Variants in PRKG1 observed in about 807,000 individuals in gnomAD.
The protein encoded by PRKG1 is cGMP-dependent protein kinase 1.
A neutral mutation model predicts 88.1 loss-of-function variants in PRKG1; 35 were observed. That is an observed-to-expected ratio of 0.40 (90% confidence interval 0.30 to 0.53). The LOEUF (loss-of-function observed/expected upper bound fraction) is 0.53, where lower values mean the gene tolerates loss of function less well. Among genes scored for constraint, PRKG1 ranks in the 20% least tolerant of loss-of-function variants. The probability of loss-of-function intolerance (pLI) is 0.59; values close to 1 mark genes in which losing one functional copy is unlikely to be tolerated. For synonymous variants in PRKG1, 303 were observed against 292.5 expected (o/e 1.04, Z -0.37); for missense variants, 540 against 839.8 (o/e 0.64, Z 4.41).
intron 9 of PRKG1, among the ~76,000 whole-genome samples, chr10:52,248,260 C>T (rs534256142): frequency 6.6e-5 from 10 of 152,174 alleles, no homozygotes; most frequent in Non-Finnish European, 1.3e-4. Flanking sequence ...GGCCAGTCTT[C>T]GGGCCAGTTT....
intron 2 of PRKG1, among the ~76,000 whole-genome samples, chr10:51,399,895 G>A (rs1837688470): frequency 6.6e-6 from 1 of 152,170 alleles, no homozygotes; most frequent in Non-Finnish European, 1.5e-5. Flanking sequence ...GGGTGCCGGG[G>A]GCAGAGGTCT....
chr10:52,135,630 A>G (rs1837390861), intron 8 of PRKG1, among the ~76,000 whole-genome samples: 1 of 152,108 alleles, frequency 6.6e-6, no homozygotes, highest in Non-Finnish European at 1.5e-5. Flanking sequence ...GGGAGAAATT[A>G]GGGATGTAGT....
At chr10:51,456,265 G>T (rs1030421048) in intron 2 of PRKG1, among the ~76,000 whole-genome samples, 3 of 152,106 alleles carry the variant, frequency 2.0e-5, no homozygotes, top group East Asian at 3.9e-4. Context: ...CTCCCACTAG[G>T]TCTCTCCCAA....
intron 3 of PRKG1, among the ~76,000 whole-genome samples, chr10:51,567,313 C>G (rs7913183): frequency 0.069 from 10,509 of 152,092 alleles, 1,184 homozygotes; most frequent in African/African-American, 0.24. Flanking sequence ...AGAAAGCCTC[C>G]AAGGATCACT....
At chr10:51,785,959 T>C (rs1019095520) in intron 3 of PRKG1, among the ~76,000 whole-genome samples, 1 of 152,170 alleles carries the variant, frequency 6.6e-6, no homozygotes, top group Non-Finnish European at 1.5e-5. Flanking sequence ...ATAGGAGTTA[T>C]AGAACCTGAG....
At chr10:51,618,724 A>C (rs546002137) in intron 3 of PRKG1, among the ~76,000 whole-genome samples, 1 of 152,186 alleles carries the variant, frequency 6.6e-6, no homozygotes, top group African/African-American at 2.4e-5. Context: ...TGTCTGCTTT[A>C]CATTTCAAAT....
intron 2 of PRKG1, among the ~76,000 whole-genome samples, chr10:51,311,587 C>T (rs76067142): frequency 0.018 from 2,742 of 152,276 alleles, 77 homozygotes; most frequent in African/African-American, 0.061. Context: ...AATTTGAGGA[C>T]CGGTACCTTA....
intron 3 of PRKG1, among the ~76,000 whole-genome samples, chr10:51,706,216 T>A (rs1841600136): frequency 6.6e-6 from 1 of 152,204 alleles, no homozygotes; most frequent in South Asian, 2.1e-4. Flanking sequence ...GGTATATAAC[T>A]TTTTTTCCCA....
At chr10:51,104,076 G>A (rs1364620302) in intron 1 of PRKG1, among the ~76,000 whole-genome samples, 1 of 152,182 alleles carries the variant, frequency 6.6e-6, no homozygotes, top group Non-Finnish European at 1.5e-5. Context: ...TTGTTTGTGT[G>A]TATATGAATG....
chr10:51,704,821 T>C (rs998289557), intron 3 of PRKG1, among the ~76,000 whole-genome samples: 8 of 152,358 alleles, frequency 5.3e-5, no homozygotes, highest in African/African-American at 1.7e-4. Context: ...GTGAACTTGA[T>C]GTGAGAGTCA....
In PRKG1 at chr10:51,250,990, T is replaced by A. The variant is rs142313798; in HGVS notation, c.478+97660T>A. Among the ~76,000 whole-genome samples, 555 of 151,848 alleles carry A rather than the reference T, an allele frequency of 3.7e-3. 5 individuals are homozygous for A. The highest frequency in any genetic ancestry group is 0.013 in the African/African-American group (524 of 41,486). On this transcript the variant is annotated intron_variant, in intron 2 of 17. Transcript: ENST00000373980. ...TTCCCCTCCTTTTTATGTTATTGTG[T>A]ATTGCCTCCTGCCCAACTCTACAGA...
chr10:51,477,782 T>C (rs1330468346), intron 3 of PRKG1, among the ~76,000 whole-genome samples: 3 of 151,928 alleles, frequency 2.0e-5, no homozygotes, highest in Non-Finnish European at 2.9e-5. Flanking sequence ...TTGAAACCCA[T>C]AGATACAGAA....
At chr10:51,513,143 G>A (rs1841469673) in intron 3 of PRKG1, among the ~76,000 whole-genome samples, 1 of 151,418 alleles carries the variant, frequency 6.6e-6, no homozygotes, top group Admixed American at 6.6e-5. Flanking sequence ...ATAAAAGGAT[G>A]GAGGAAGATC....
At chr10:51,156,812 G>T (rs1846226158) in intron 2 of PRKG1, among the ~76,000 whole-genome samples, 1 of 151,828 alleles carries the variant, frequency 6.6e-6, no homozygotes, top group Non-Finnish European at 1.5e-5. Context: ...TCAAAATTTA[G>T]GTAGCAATGT....
At position 51,074,496 on chromosome 10, in the gene PRKG1, G is replaced by A; in HGVS notation, c.-95G>A. On this transcript the variant is annotated 5_prime_UTR_variant, in exon 1 of 18. Transcript: ENST00000373980. ...AGTAGGAAGCTTTGGCACTCGGGAG[G>A]CAGCGGCGACTTTGGGGAAAGTTGA... is the stretch of plus-strand genomic sequence containing the variant. 6.7e-7 allele frequency: 1 copy of A among 1,491,164 alleles called. No homozygotes were observed. The highest frequency in any genetic ancestry group is 9.0e-7 in the Non-Finnish European group (1 of 1,116,810). 92.4% of individuals were successfully genotyped at this position (1,491,164 alleles called of 1,614,324 possible).
chr10:51,429,396 A>G (rs1415805000), intron 2 of PRKG1, among the ~76,000 whole-genome samples: 1 of 152,186 alleles, frequency 6.6e-6, no homozygotes, highest in Admixed American at 6.6e-5. Flanking sequence ...GCTGTACTAT[A>G]TTACCTAAAG....
chr10:51,681,212 A>G (rs915781815), intron 3 of PRKG1, among the ~76,000 whole-genome samples: 4 of 152,140 alleles, frequency 2.6e-5, no homozygotes, highest in Non-Finnish European at 5.9e-5. Context: ...TATCTATTCA[A>G]TTTCATTAGT....
intron 1 of PRKG1, among the ~76,000 whole-genome samples, chr10:50,992,438 A>C (rs888825122): frequency 6.6e-6 from 1 of 152,158 alleles, no homozygotes; most frequent in African/African-American, 2.4e-5. Flanking sequence ...CACCTGAAGC[A>C]GATTTGAGGC....
At chr10:51,104,504 T>C (rs1589154975) in intron 1 of PRKG1, among the ~76,000 whole-genome samples, 1 of 152,106 alleles carries the variant, frequency 6.6e-6, no homozygotes, top group African/African-American at 2.4e-5. Flanking sequence ...TTTTTGATGC[T>C]TCTGAATAAA....
Sources: gnomAD v4.1 joint callset for allele counts (sites outside exome capture counted in the v4.1 genomes callset) on GRCh38, gnomAD v4.1.1 for gene constraint, MANE v1.5 for transcripts, NCBI Gene and HGNC (gene_info 2026-07-23, HGNC 2026-07-21) for gene names.